The following PTPA variants were observed in gnomAD, a reference collection of about 807,000 sequenced individuals.
The protein encoded by PTPA is protein phosphatase 2 phosphatase activator.
Under a neutral mutation model 43.6 loss-of-function variants are expected in PTPA, and 13 were observed. That is an observed-to-expected ratio of 0.30 (90% confidence interval 0.19 to 0.47). The LOEUF (loss-of-function observed/expected upper bound fraction) is 0.47. PTPA is among the 20% of genes least tolerant of loss of function. The probability of loss-of-function intolerance (pLI) is 0.99; values close to 1 mark genes in which losing one functional copy is unlikely to be tolerated. For missense variants in PTPA, 329 were observed against 411.9 expected, an observed-to-expected ratio of 0.80 and a Z score of 1.74; for synonymous variants, 172 against 158.2, an observed-to-expected ratio of 1.09 and a Z score of -0.66.
At chr9:129,127,316 T>C (rs1849644512) in intron 3 of PTPA, among the ~76,000 whole-genome samples, 1 of 152,208 alleles carries the variant, frequency 6.6e-6, no homozygotes, top group African/African-American at 2.4e-5. Context: ...CCCAGGTACA[T>C]ACATAGCTCT....
Position 129,136,478 on chromosome 9 carries a change from G to A in PTPA, c.568G>A (p.Glu190Lys). 6.2e-7 allele frequency: 1 copy of A among 1,613,254 alleles called. No homozygotes were observed. The highest frequency in any genetic ancestry group is 8.5e-7 in the Non-Finnish European group (1 of 1,179,498). Reference sequence around the variant, plus strand: ...CCCTGTCCTCCTGTGCAGGTACCTTGAGGTTATGCGGAAACTCCAGAAAAC... The same window carrying A: ...CCCTGTCCTCCTGTGCAGGTACCTTAAGGTTATGCGGAAACTCCAGAAAAC... ...IVFKVFNRYL[E>K]VMRKLQKTYR... The change falls in exon 7 of 10, where the codon GAG becomes AAG. Residue 190 changes from glutamate to lysine, a missense_variant. Coordinates refer to ENST00000393370, the MANE Select transcript of PTPA (RefSeq NM_178000.3).
chr9:129,138,057 T>C (rs1278850533), intron 8 of PTPA: 1 of 335,282 alleles, frequency 3.0e-6, no homozygotes, highest in African/African-American at 2.1e-5. Flanking sequence ...CAAGGGTCTG[T>C]AGAACCATGT....
At chr9:129,116,745 G>T (rs185673022) in intron 1 of PTPA, among the ~76,000 whole-genome samples, 9 of 152,140 alleles carry the variant, frequency 5.9e-5, no homozygotes, top group Non-Finnish European at 1.2e-4. Flanking sequence ...TGACCAGGCT[G>T]GTCTTGAACT....
chr9:129,138,960 G>T (rs940713904), intron 8 of PTPA, among the ~76,000 whole-genome samples: 1 of 152,350 alleles, frequency 6.6e-6, no homozygotes, highest in Non-Finnish European at 1.5e-5. Flanking sequence ...TGCCTTGAAA[G>T]CCAGTCACGC....
At chr9:129,128,504 C>G (rs2131580617) in intron 3 of PTPA, among the ~76,000 whole-genome samples, 1 of 149,836 alleles carries the variant, frequency 6.7e-6, no homozygotes, top group East Asian at 2.0e-4. Flanking sequence ...CCACTGCACT[C>G]CAGCCTGGGC....
At chr9:129,139,521 C>T (rs1242769938) in intron 8 of PTPA, 1 of 152,186 alleles carries the variant, frequency 6.6e-6, no homozygotes, top group African/African-American at 2.4e-5. Flanking sequence ...GCCCAGGAGC[C>T]GGGGTGGCTG....
intron 1 of PTPA, among the ~76,000 whole-genome samples, chr9:129,118,622 A>G (rs1236251609): frequency 2.0e-5 from 3 of 150,012 alleles, no homozygotes; most frequent in African/African-American, 7.4e-5. Context: ...TGATCCACCC[A>G]CTTTGGCCTC....
chr9:129,141,083 T>C (rs1322362194), intron 8 of PTPA, among the ~76,000 whole-genome samples: 1 of 151,880 alleles, frequency 6.6e-6, no homozygotes, highest in Non-Finnish European at 1.5e-5. Context: ...CTCCTGAACA[T>C]GGGTGTTTGG....
chr9:129,131,050 C>G (rs1849929879), intron 4 of PTPA, among the ~76,000 whole-genome samples: 1 of 152,160 alleles, frequency 6.6e-6, no homozygotes, highest in Non-Finnish European at 1.5e-5. Context: ...TTATTCATTT[C>G]ACTGTTGATG....
rs1465577278 is a variant in PTPA, at chr9:129,123,054, A to T, written c.132A>T (p.Ala44=). The change falls in exon 3 of 10, where the codon GCA becomes GCT. Residue 44 remains alanine, a splice_region_variant and synonymous_variant. Transcript: ENST00000393370. ...CCATTCTCCTCTCTGTTTGGTAGGCATACGCTGACTACATCGGATTCATCC... is the reference window on the plus strand; with the variant it reads ...CCATTCTCCTCTCTGTTTGGTAGGCTTACGCTGACTACATCGGATTCATCC... The part of the protein sequence containing the change: ...PDMGKWKRSQ[A]YADYIGFILT... The T allele has an allele frequency of 6.2e-7, 1 of 1,607,666 alleles. No individual in the cohort carries two copies. The highest frequency in any genetic ancestry group is 1.3e-5 in the African/African-American group (1 of 74,838).
chr9:129,115,910 T>C (rs1848830609), intron 1 of PTPA, among the ~76,000 whole-genome samples: 1 of 151,904 alleles, frequency 6.6e-6, no homozygotes, highest in African/African-American at 2.4e-5. Context: ...CCCAAAGTGC[T>C]GCGATTACAG....
At chr9:129,141,328 C>T (rs890052029) in intron 8 of PTPA, among the ~76,000 whole-genome samples, 4 of 152,044 alleles carry the variant, frequency 2.6e-5, no homozygotes, top group Non-Finnish European at 5.9e-5. Context: ...ATCTTTTCTC[C>T]TTCAAAAAAT....
intron 4 of PTPA, among the ~76,000 whole-genome samples, chr9:129,129,823 G>A (rs1326930588): frequency 6.6e-6 from 1 of 152,152 alleles, no homozygotes; most frequent in Non-Finnish European, 1.5e-5. Context: ...TGTAATCTCA[G>A]AATTCGGGGA....
intron 5 of PTPA, 116 bp from the exon 6 acceptor site, chr9:129,134,679 C>A: frequency 1.3e-6 from 1 of 752,036 alleles, no homozygotes; most frequent in Non-Finnish European, 2.2e-6. Flanking sequence ...TCATTGTCTC[C>A]ATGTTGACCA....
At chr9:129,146,290 C>G (rs1018316052) in intron 9 of PTPA, among the ~76,000 whole-genome samples, 1 of 152,282 alleles carries the variant, frequency 6.6e-6, no homozygotes, top group Non-Finnish European at 1.5e-5. Context: ...GCTCCCCACC[C>G]CACCATGAGC....
Position 129,144,245 on chromosome 9 carries a change from T to C in PTPA, c.894+1693T>C, listed in dbSNP as rs539254135. 1.4e-4 allele frequency among the ~76,000 whole-genome samples: 22 copies of C among 151,898 alleles called. No homozygotes were observed. In the South Asian group the frequency reaches 2.9e-3, roughly 20 times the overall value. ...GCAGGAACACAGGGACTGTCCACTC[T>C]GCACAGGCTGTCGGGGTCTCCGTGG... On this transcript the variant is annotated intron_variant, in intron 9 of 9. Coordinates refer to ENST00000393370, the MANE Select transcript of PTPA (RefSeq NM_178000.3).
At chr9:129,116,342 G>C (rs956490712) in intron 1 of PTPA, among the ~76,000 whole-genome samples, 1 of 104,198 alleles carries the variant, frequency 9.6e-6, no homozygotes, top group Non-Finnish European at 2.3e-5. Context: ...GCGTCACCTC[G>C]CCCAGCTAAT....
At chr9:129,120,655 A>AGTGGTTT (rs1849194864) in intron 2 of PTPA, 45 bp downstream of exon 2, 1 of 1,543,090 alleles carries the variant, frequency 6.5e-7, no homozygotes, top group African/African-American at 1.4e-5. Flanking sequence ...TTTCAAAGAC[A>AGTGGTTT]GTGGTTTTCC....
Position 129,113,020 on chromosome 9 carries a change from C to T in PTPA, c.31+1389C>T, listed in dbSNP as rs1251579721. On this transcript the variant is annotated intron_variant, in intron 1 of 9. Coordinates refer to ENST00000393370, the MANE Select transcript of PTPA (RefSeq NM_178000.3). ...GGAAGCAGAATTGTCTTGGGTCACA[C>T]ATAAAATACACTAACACTAACGATG... 2.7e-5 allele frequency among the ~76,000 whole-genome samples: 4 copies of T among 150,472 alleles called. No individual in the cohort carries two copies. The East Asian group carries it at 7.8e-4, about 29-fold the overall frequency.
Sources: allele counts gnomAD v4.1 joint callset (sites outside exome capture counted in the v4.1 genomes callset), GRCh38; gene constraint gnomAD v4.1.1; transcripts MANE v1.5; gene names NCBI Gene and HGNC (gene_info 2026-07-23, HGNC 2026-07-21).